Variants in ZNF385D observed in about 807,000 individuals in gnomAD.
The protein encoded by ZNF385D is zinc finger protein 385D.
In ZNF385D, 15 loss-of-function variants were observed where a neutral mutation model predicts 35.8. The ratio of observed to expected loss-of-function variants is 0.42; its 90% CI spans 0.28 to 0.64. ZNF385D has a LOEUF of 0.64. ZNF385D is among the 30% of genes least tolerant of loss of function. The pLI, the probability that ZNF385D is intolerant of heterozygous loss-of-function variation, is 0.23. For missense variants in ZNF385D, 474 were observed against 494.6 expected, an observed-to-expected ratio of 0.96 and a Z score of 0.39; for synonymous variants, 212 against 186.8, an observed-to-expected ratio of 1.13 and a Z score of -1.10.
intron 3 of ZNF385D, among the ~76,000 whole-genome samples, chr3:21,867,062 G>C (rs551600030): frequency 1.2e-4 from 19 of 152,104 alleles, no homozygotes; most frequent in Non-Finnish European, 2.6e-4. Flanking sequence ...AGGCTGAAAA[G>C]TCCAAGACAC....
intron 3 of ZNF385D, among the ~76,000 whole-genome samples, chr3:21,949,546 C>CTTTTTTTTTTTTTTTTTTTTTTTTTTT (rs1553705221): frequency 3.2e-5 from 1 of 31,166 alleles, no homozygotes; most frequent in Non-Finnish European, 6.6e-5. Context: ...TCCTTCTTTT[C>CTTTTTTTTTTTTTTTTTTTTTTTTTTT]TTTCTTTCTT....
At chr3:22,353,399 A>C (rs1696005903) in intron 2 of ZNF385D, among the ~76,000 whole-genome samples, 1 of 152,136 alleles carries the variant, frequency 6.6e-6, no homozygotes, top group African/African-American at 2.4e-5. Flanking sequence ...TTTCATGCAA[A>C]ATACAATCAC....
At chr3:22,065,131 A>G (rs1231765698) in intron 3 of ZNF385D, among the ~76,000 whole-genome samples, 2 of 152,206 alleles carry the variant, frequency 1.3e-5, no homozygotes, top group Non-Finnish European at 2.9e-5. Flanking sequence ...ATAACTTAAT[A>G]CAGAAGATGA....
intron 3 of ZNF385D, among the ~76,000 whole-genome samples, chr3:22,026,955 C>T (rs1375603628): frequency 1.3e-5 from 2 of 152,202 alleles, no homozygotes; most frequent in Non-Finnish European, 2.9e-5. Context: ...TCAGCTGTTG[C>T]ACCACATGTG....
intron 1 of ZNF385D, among the ~76,000 whole-genome samples, chr3:21,700,632 C>A (rs1318477747): frequency 1.3e-5 from 2 of 152,114 alleles, no homozygotes; most frequent in Non-Finnish European, 2.9e-5. Context: ...CCTTTCTGAT[C>A]CTCATTTACT....
At chr3:22,193,983 A>G (rs1199540259) in intron 2 of ZNF385D, among the ~76,000 whole-genome samples, 2 of 151,958 alleles carry the variant, frequency 1.3e-5, no homozygotes, top group Non-Finnish European at 2.9e-5. Context: ...ACAAGTGGAA[A>G]ATGATAACTC....
intron 3 of ZNF385D, among the ~76,000 whole-genome samples, chr3:21,965,351 G>A (rs1702855274): frequency 6.6e-6 from 1 of 152,084 alleles, no homozygotes; most frequent in Non-Finnish European, 1.5e-5. Flanking sequence ...TGTGTACCCA[G>A]GCACAGTACT....
chr3:21,940,243 T>C (rs1701451027), intron 3 of ZNF385D, among the ~76,000 whole-genome samples: 2 of 152,076 alleles, frequency 1.3e-5, no homozygotes, highest in African/African-American at 2.4e-5. Context: ...CATCAGGTAA[T>C]GTGATGTAGC....
rs1231442367 is a variant in ZNF385D, at chr3:21,427,319, A to G, written c.674-1649T>C. ...AGCTCCTTCAGTGACACTGAGAAGC[A>G]TTATTAGTAGGGCTAGTTTAGTTTA... is the stretch of plus-strand genomic sequence containing the variant. On this transcript the variant is annotated intron_variant, in intron 5 of 7. Transcript: ENST00000281523. Among the ~76,000 whole-genome samples the G allele has an allele frequency of 3.3e-5, 5 of 152,226 alleles. No homozygotes were observed. In the East Asian group the frequency reaches 9.6e-4, roughly 29 times the overall value.
intron 4 of ZNF385D, among the ~76,000 whole-genome samples, chr3:21,480,077 A>G (rs893679434): frequency 2.4e-4 from 37 of 151,098 alleles, no homozygotes; most frequent in Non-Finnish European, 5.0e-4. Context: ...GTGGGCCCAT[A>G]TATTTATACA....
At chr3:22,295,184 A>G (rs1702505212) in intron 2 of ZNF385D, among the ~76,000 whole-genome samples, 1 of 152,214 alleles carries the variant, frequency 6.6e-6, no homozygotes, top group African/African-American at 2.4e-5. Context: ...TTTGAATAAT[A>G]AAGTGTAAAG....
intron 1 of ZNF385D, among the ~76,000 whole-genome samples, chr3:21,680,890 C>G (rs889416383): frequency 1.3e-5 from 2 of 152,178 alleles, no homozygotes; most frequent in Non-Finnish European, 2.9e-5. Flanking sequence ...CCTTTCTTCT[C>G]TACCCTTGTA....
intron 3 of ZNF385D, among the ~76,000 whole-genome samples, chr3:21,527,140 C>T (rs1708274164): frequency 6.6e-6 from 1 of 152,048 alleles, no homozygotes; most frequent in Non-Finnish European, 1.5e-5. Flanking sequence ...TTCAGACTTT[C>T]AGGGATATAT....
chr3:22,096,533 C>T (rs1701643443), intron 3 of ZNF385D, among the ~76,000 whole-genome samples: 1 of 151,988 alleles, frequency 6.6e-6, no homozygotes, highest in South Asian at 2.1e-4. Flanking sequence ...CTGACAAATG[C>T]TTTACGAATA....
At chr3:21,586,256 G>A (rs1175266632) in intron 2 of ZNF385D, among the ~76,000 whole-genome samples, 2 of 152,100 alleles carry the variant, frequency 1.3e-5, no homozygotes, top group Non-Finnish European at 1.5e-5. Flanking sequence ...GAGGTGGGTA[G>A]GCCTGTATTG....
At chr3:22,255,274 C>CA (rs1700257941) in intron 2 of ZNF385D, among the ~76,000 whole-genome samples, 1 of 150,880 alleles carries the variant, frequency 6.6e-6, no homozygotes, top group African/African-American at 2.4e-5. Flanking sequence ...CATGTATTCC[C>CA]CCCCCCAAAA....
At chr3:21,738,387 G>A (rs1388020697) in intron 1 of ZNF385D, among the ~76,000 whole-genome samples, 2 of 152,152 alleles carry the variant, frequency 1.3e-5, no homozygotes, top group African/African-American at 4.8e-5. Flanking sequence ...TTTAAAAACA[G>A]GAATACTGAT....
intron 2 of ZNF385D, among the ~76,000 whole-genome samples, chr3:22,325,496 A>C (rs1234513045): frequency 6.6e-6 from 1 of 152,152 alleles, no homozygotes; most frequent in Non-Finnish European, 1.5e-5. Context: ...AGGCACGGTG[A>C]TGCACGCCTA....
At chr3:21,761,337 A>C (rs958472913) in intron 3 of ZNF385D, among the ~76,000 whole-genome samples, 1 of 152,232 alleles carries the variant, frequency 6.6e-6, no homozygotes, top group Admixed American at 6.5e-5. Flanking sequence ...TTAGACCTCT[A>C]AATTTGGGGT....
Sources: gnomAD v4.1 joint callset for allele counts (sites outside exome capture counted in the v4.1 genomes callset) on GRCh38, gnomAD v4.1.1 for gene constraint, MANE v1.5 for transcripts, NCBI Gene and HGNC (gene_info 2026-07-23, HGNC 2026-07-21) for gene names.